The following URI1 variants were observed in gnomAD, a reference collection of about 807,000 sequenced individuals.
URI1 encodes the protein URI1 prefoldin like chaperone.
Under a neutral mutation model 60.2 loss-of-function variants are expected in URI1, and 39 were observed. The observed-to-expected ratio is 0.65, with a 90% CI of 0.50 to 0.85. URI1 has a LOEUF of 0.85. URI1 is among the 40% of genes least tolerant of loss of function. The pLI is 0.00. For synonymous variants in URI1, 251 were observed against 236.8 expected (o/e 1.06, Z -0.55); for missense variants, 691 against 665.9 (o/e 1.04, Z -0.42).
intron 4 of URI1, among the ~76,000 whole-genome samples, chr19:30,003,598 C>T (rs2145426603): frequency 1.3e-5 from 2 of 152,182 alleles, no homozygotes; most frequent in South Asian, 4.1e-4. Context: ...AATATTCACA[C>T]AACTTTTTCT....
intron 2 of URI1, among the ~76,000 whole-genome samples, chr19:29,973,964 C>A (rs1042118225): frequency 1.3e-5 from 2 of 152,086 alleles, no homozygotes; most frequent in African/African-American, 4.8e-5. Context: ...ACTGTTACCT[C>A]CTTAAAGTAT....
chr19:30,010,513 G>A (rs2145446439), intron 8 of URI1, among the ~76,000 whole-genome samples: 1 of 152,250 alleles, frequency 6.6e-6, no homozygotes, highest in East Asian at 1.9e-4. Flanking sequence ...TTATTTGCAG[G>A]AACGTTACAG....
Position 29,947,883 on chromosome 19 carries a change from A to G in URI1, c.117+5219A>G, listed in dbSNP as rs577026732. ...ACTACTTTTCTGAAGATATCCTCTT[A>G]TATTGTCTAATAGAAGCTTTACTGC... On this transcript the variant is annotated intron_variant, in intron 1 of 10. Transcript: ENST00000392271. 2.0e-4 allele frequency among the ~76,000 whole-genome samples: 30 copies of G among 152,270 alleles called. No homozygotes were observed. In the East Asian group the frequency reaches 3.7e-3, roughly 19 times the overall value.
At chr19:29,957,933 A>G (rs1222628707) in intron 1 of URI1, 2 of 137,936 alleles carry the variant, frequency 1.4e-5, no homozygotes, top group Admixed American at 7.4e-5. Flanking sequence ...TGATTTTTAC[A>G]TATTGACTTT....
At chr19:29,975,524 G>A (rs1215006478) in intron 2 of URI1, among the ~76,000 whole-genome samples, 2 of 108,994 alleles carry the variant, frequency 1.8e-5, no homozygotes, top group East Asian at 5.6e-4. Flanking sequence ...TTTTTTTTGA[G>A]ATGGAGTCTC....
intron 1 of URI1, among the ~76,000 whole-genome samples, chr19:29,962,027 A>C (rs1205354747): frequency 1.3e-5 from 2 of 151,964 alleles, no homozygotes; most frequent in Non-Finnish European, 2.9e-5. Flanking sequence ...GAATTTCTGG[A>C]TCATATGGTA....
intron 1 of URI1, among the ~76,000 whole-genome samples, chr19:29,953,691 G>GTT (rs71333422): frequency 0.03 from 4,362 of 147,024 alleles, 94 homozygotes; most frequent in Middle Eastern, 0.053. Flanking sequence ...TTTCTTATTA[G>GTT]TTTTTTTTTT....
At chr19:29,985,108 A>G (rs1264223337) in intron 2 of URI1, 115 bp from the exon 3 acceptor site, 1 of 917,794 alleles carries the variant, frequency 1.1e-6, no homozygotes, top group South Asian at 1.8e-5. Flanking sequence ...CGACGGAGCG[A>G]CACTCTGTCT....
At chr19:29,954,343 T>C (rs2055216177) in intron 1 of URI1, among the ~76,000 whole-genome samples, 2 of 152,152 alleles carry the variant, frequency 1.3e-5, no homozygotes, top group South Asian at 4.1e-4. Context: ...TGGATTTTTA[T>C]TTATATTGAA....
chr19:29,931,358 G>C (rs1453418289), intron 1 of URI1, among the ~76,000 whole-genome samples: 1 of 152,188 alleles, frequency 6.6e-6, no homozygotes, highest in East Asian at 1.9e-4. Flanking sequence ...TTCTCATGAA[G>C]TTTCTCTTCC....
At chr19:29,944,747 C>G (rs893372174) in intron 1 of URI1, among the ~76,000 whole-genome samples, 5 of 152,168 alleles carry the variant, frequency 3.3e-5, no homozygotes, top group African/African-American at 9.7e-5. Context: ...ATCCCCAGTT[C>G]AGGAAAAAGC....
intron 2 of URI1, among the ~76,000 whole-genome samples, chr19:29,982,050 AG>A (rs2055605117): frequency 6.6e-6 from 1 of 152,194 alleles, no homozygotes; most frequent in Admixed American, 6.5e-5. Flanking sequence ...TGTTTGACTA[AG>A]CCCTGAACAT....
Position 30,015,596 on chromosome 19 carries a change from T to C in URI1, c.*527T>C. On this transcript the variant is annotated 3_prime_UTR_variant, in exon 11 of 11. Coordinates refer to ENST00000392271, the MANE Select transcript of URI1 (RefSeq NM_003796.3). Reference sequence around the variant, plus strand: ...CCCTCTGAATGTCATACTGTAATCTTTAAGGAAGAAAGCTACATGAATTAA... The same window carrying C: ...CCCTCTGAATGTCATACTGTAATCTCTAAGGAAGAAAGCTACATGAATTAA... 1 of 1,529,232 alleles carries C rather than the reference T, an allele frequency of 6.5e-7. No individual in the cohort carries two copies. 94.7% of individuals were successfully genotyped at this position (1,529,232 alleles called of 1,614,324 possible).
In URI1 at chr19:29,934,496, C is replaced by T. The variant is rs376005561; in HGVS notation, c.63+10742C>T. ...ATGCTGCCTTCTCACTACAATCCCA[C>T]GTGGTTTTTCTTATGTGTACACACA... On this transcript the variant is annotated intron_variant, in intron 1 of 10. Coordinates refer to the URI1 transcript ENST00000360605. Among the ~76,000 whole-genome samples the T allele has an allele frequency of 3.7e-4, 57 of 152,286 alleles. 1 individual carries two copies. The East Asian group carries it at 5.8e-3, about 15-fold the overall frequency.
At chr19:29,953,243 A>C (rs540221904) in intron 1 of URI1, among the ~76,000 whole-genome samples, 2 of 152,314 alleles carry the variant, frequency 1.3e-5, no homozygotes, top group East Asian at 3.9e-4. Flanking sequence ...AATTAAAATT[A>C]AGTAAAATAA....
rs1277694322 is a variant in URI1, at chr19:29,942,430, G to A, written c.-118G>A. ...GGCGGCGGCGGGCGCGGCCTCCTGG[G>A]CGCGGGGCGCGCGGTGCCTGAGGGC... On this transcript the variant is annotated 5_prime_UTR_variant, in exon 1 of 11. Coordinates refer to ENST00000392271, the MANE Select transcript of URI1 (RefSeq NM_003796.3). 1.1e-5 allele frequency: 11 copies of A among 984,670 alleles called. No homozygotes were observed. In the East Asian group the frequency reaches 1.0e-3, roughly 91 times the overall value. The allele number at this position is 984,670 out of a possible 1,614,324, so 61.0% of individuals were successfully genotyped here.
At chr19:29,972,745 A>G (rs2055475105) in intron 2 of URI1, among the ~76,000 whole-genome samples, 1 of 152,118 alleles carries the variant, frequency 6.6e-6, no homozygotes, top group Admixed American at 6.6e-5. Context: ...TTAGTTTACA[A>G]ATACTCTAGT....
At chr19:29,959,909 T>C (rs989154368) in intron 1 of URI1, among the ~76,000 whole-genome samples, 5 of 152,170 alleles carry the variant, frequency 3.3e-5, no homozygotes, top group Admixed American at 6.5e-5. Flanking sequence ...CCCTTAGAGA[T>C]GATGGTTGAG....
chr19:29,956,895 C>T (rs1310572418), intron 1 of URI1: 2 of 1,281,390 alleles, frequency 1.6e-6, no homozygotes, highest in East Asian at 2.3e-5. Context: ...CGCAGGGTTC[C>T]TCTGGGGCCC....
Sources: allele counts gnomAD v4.1 joint callset (sites outside exome capture counted in the v4.1 genomes callset), GRCh38; gene constraint gnomAD v4.1.1; transcripts MANE v1.5; gene names NCBI Gene and HGNC (gene_info 2026-07-23, HGNC 2026-07-21).